The following FAR1 variants were observed in gnomAD, a reference collection of about 807,000 sequenced individuals.
The protein encoded by FAR1 is fatty acyl-CoA reductase 1, also known as male sterility domain-containing protein 2.
A neutral mutation model predicts 61.1 loss-of-function variants in FAR1; 22 were observed. That is an observed-to-expected ratio of 0.36 (90% CI 0.26 to 0.51). The LOEUF (loss-of-function observed/expected upper bound fraction) is 0.51, where lower values mean the gene tolerates loss of function less well. FAR1 is among the 20% of genes least tolerant of loss of function. The pLI, the probability that FAR1 is intolerant of heterozygous loss-of-function variation, is 0.95. For synonymous variants in FAR1, 206 were observed against 209.7 expected (o/e 0.98, Z 0.15); for missense variants, 359 against 626.9 (o/e 0.57, Z 4.56).
In FAR1 at chr11:13,717,035, G is replaced by T. The variant is rs1402217294; in HGVS notation, c.1127+2355G>T. Among the ~76,000 whole-genome samples, 3 of 147,260 alleles carry T rather than the reference G, an allele frequency of 2.0e-5. No homozygotes were observed. In the South Asian group the frequency reaches 6.4e-4, roughly 31 times the overall value. Reference sequence around the variant, plus strand: ...GAAAGTGGTCAAGATGAAGGGTATTGTTGCCATCATTTTTGGAAAGTACAA... The same window carrying T: ...GAAAGTGGTCAAGATGAAGGGTATTTTTGCCATCATTTTTGGAAAGTACAA... On this transcript the variant is annotated intron_variant, in intron 9 of 11. Transcript: ENST00000354817.
chr11:13,701,808 T>A (rs1848378801), intron 3 of FAR1, among the ~76,000 whole-genome samples: 1 of 152,032 alleles, frequency 6.6e-6, no homozygotes, highest in Non-Finnish European at 1.5e-5. Flanking sequence ...CCTACTGTAA[T>A]ATTATAGGGA....
At chr11:13,702,006 A>T (rs889848317) in intron 3 of FAR1, among the ~76,000 whole-genome samples, 6 of 151,284 alleles carry the variant, frequency 4.0e-5, no homozygotes, top group Non-Finnish European at 7.4e-5. Context: ...TCAAAAGATT[A>T]TTTTTTTTTC....
chr11:13,718,076 T>G (rs761827514), intron 9 of FAR1, among the ~76,000 whole-genome samples: 7 of 152,196 alleles, frequency 4.6e-5, no homozygotes, highest in Non-Finnish European at 8.8e-5. Context: ...CACTTTTAGA[T>G]CTTAAATCCT....
intron 3 of FAR1, among the ~76,000 whole-genome samples, chr11:13,701,845 AG>A (rs1392388174): frequency 2.0e-5 from 3 of 152,142 alleles, no homozygotes; most frequent in African/African-American, 7.2e-5. Context: ...GAGGAAGCTG[AG>A]GCAGCATTGT....
intron 1 of FAR1, among the ~76,000 whole-genome samples, chr11:13,674,110 T>C (rs1471324558): frequency 1.3e-5 from 2 of 151,924 alleles, no homozygotes; most frequent in Non-Finnish European, 2.9e-5. Context: ...AGGAGTTCGA[T>C]ACCAGCCTGG....
intron 9 of FAR1, among the ~76,000 whole-genome samples, chr11:13,717,029 G>GGT (rs369088386): frequency 7.6e-4 from 112 of 147,648 alleles, no homozygotes; most frequent in African/African-American, 2.7e-3. Context: ...CAAGATGAAG[G>GGT]GTATTGTTGC....
At chr11:13,690,081 G>T (rs1848232799) in intron 1 of FAR1, among the ~76,000 whole-genome samples, 1 of 151,880 alleles carries the variant, frequency 6.6e-6, no homozygotes, top group Non-Finnish European at 1.5e-5. Flanking sequence ...TCACCATGTT[G>T]GCCAGGCTGG....
rs1848344742 is a variant in FAR1, at chr11:13,699,407, A to C, written c.190-910A>C. ...GTCATGTGCTAGCAGTGGAAGTAGC[A>C]GTAGGAGCTATCAGTAGGAGCGGGA... On this transcript the variant is annotated intron_variant, in intron 2 of 11. Coordinates refer to ENST00000354817, the MANE Select transcript of FAR1 (RefSeq NM_032228.6). Among the ~76,000 whole-genome samples, 5 of 152,186 alleles carry C rather than the reference A, an allele frequency of 3.3e-5. No individual in the cohort carries two copies. The South Asian group carries it at 1.0e-3, about 31-fold the overall frequency.
At chr11:13,682,823 G>A (rs999195051) in intron 1 of FAR1, among the ~76,000 whole-genome samples, 2 of 151,888 alleles carry the variant, frequency 1.3e-5, no homozygotes, top group African/African-American at 4.8e-5. Context: ...TGTTGCCAAG[G>A]CTGGTCTCAA....
intron 9 of FAR1, among the ~76,000 whole-genome samples, chr11:13,719,684 C>T (rs1450480086): frequency 1.3e-5 from 2 of 152,104 alleles, no homozygotes; most frequent in African/African-American, 4.8e-5. Context: ...AGACATTTGA[C>T]AACATTTGCA....
chr11:13,711,027 G>A, intron 5 of FAR1, 157 bp downstream of exon 5: 1 of 600,010 alleles, frequency 1.7e-6, no homozygotes, highest in South Asian at 2.3e-5. Context: ...TAATTTTATT[G>A]GTACTTTCAT....
At chr11:13,715,624 GA>G (rs1014399279) in intron 9 of FAR1, among the ~76,000 whole-genome samples, 3 of 151,706 alleles carry the variant, frequency 2.0e-5, no homozygotes, top group Non-Finnish European at 2.9e-5. Context: ...GCATAGTTAT[GA>G]AAAAAAAGTT....
intron 4 of FAR1, among the ~76,000 whole-genome samples, chr11:13,709,119 C>G (rs1264591321): frequency 6.6e-6 from 1 of 151,964 alleles, no homozygotes; most frequent in African/African-American, 2.4e-5. Flanking sequence ...TTATTCTTCC[C>G]TCTTTTAGTC....
intron 10 of FAR1, among the ~76,000 whole-genome samples, chr11:13,724,688 T>G (rs1472034402): frequency 2.0e-5 from 3 of 152,168 alleles, no homozygotes; most frequent in African/African-American, 2.4e-5. Context: ...ACCTAACATA[T>G]AATCAAAAAT....
intron 2 of FAR1, among the ~76,000 whole-genome samples, chr11:13,695,907 T>C (rs1237353005): frequency 1.3e-5 from 2 of 152,226 alleles, no homozygotes; most frequent in Admixed American, 6.5e-5. Context: ...GGATGTAAGA[T>C]TCTTTCTTAG....
chr11:13,691,804 A>T (rs190431204), intron 1 of FAR1, among the ~76,000 whole-genome samples: 1 of 152,152 alleles, frequency 6.6e-6, no homozygotes, highest in Non-Finnish European at 1.5e-5. Flanking sequence ...CCACTTGGCT[A>T]TCGTGAGCAG....
At chr11:13,690,491 A>G (rs780463614) in intron 1 of FAR1, among the ~76,000 whole-genome samples, 2 of 152,170 alleles carry the variant, frequency 1.3e-5, no homozygotes, top group South Asian at 4.1e-4. Flanking sequence ...TTGTAGAAGC[A>G]TAATTGTTTT....
intron 10 of FAR1, among the ~76,000 whole-genome samples, chr11:13,723,091 T>C (rs1401894209): frequency 6.6e-6 from 1 of 151,918 alleles, no homozygotes; most frequent in Non-Finnish European, 1.5e-5. Flanking sequence ...TTTTTGCTGG[T>C]CATAGTAGCT....
At chr11:13,669,283 C>G (rs1847967330) in intron 1 of FAR1, 1 of 152,704 alleles carries the variant, frequency 6.5e-6, no homozygotes, top group Admixed American at 6.6e-5. Flanking sequence ...GGCGCGGGGC[C>G]GGGGAGTGTG....
Sources: allele counts gnomAD v4.1 joint callset (sites outside exome capture counted in the v4.1 genomes callset), GRCh38; gene constraint gnomAD v4.1.1; transcripts MANE v1.5; gene names NCBI Gene and HGNC (gene_info 2026-07-23, HGNC 2026-07-21).